The following RGS9 variants were observed in gnomAD, a reference collection of about 807,000 sequenced individuals.
RGS9 encodes regulator of G protein signaling 9.
RGS9 carries 78 observed loss-of-function variants against 102.0 expected under a neutral mutation model. The observed-to-expected ratio is 0.76, with a 90% CI of 0.64 to 0.92. The LOEUF (loss-of-function observed/expected upper bound fraction) is 0.92, where lower values mean the gene tolerates loss of function less well. RGS9 is among the 40% of genes least tolerant of loss of function. The pLI is 0.00. For synonymous variants in RGS9, 353 were observed against 318.6 expected (o/e 1.11, Z -1.15); for missense variants, 833 against 866.1 (o/e 0.96, Z 0.48).
At chr17:65,221,305 C>G (rs1424515190) in intron 17 of RGS9, among the ~76,000 whole-genome samples, 1 of 152,136 alleles carries the variant, frequency 6.6e-6, no homozygotes, top group African/African-American at 2.4e-5. Flanking sequence ...GATCTGGTCA[C>G]AAACTTTGAG....
intron 1 of RGS9, among the ~76,000 whole-genome samples, chr17:65,148,737 A>C (rs576358517): frequency 8.5e-5 from 13 of 152,146 alleles, no homozygotes; most frequent in African/African-American, 3.1e-4. Flanking sequence ...GGAGGAGGAC[A>C]AGGGCTCCCT....
At chr17:65,190,261 G>A in intron 11 of RGS9, 25 bp downstream of exon 11, 2 of 1,584,114 alleles carry the variant, frequency 1.3e-6, no homozygotes, top group Non-Finnish European at 1.7e-6. Context: ...TGTTGATCTT[G>A]CTAAAGTCTG....
At chr17:65,145,567 T>TTTA (rs1555610746) in intron 1 of RGS9, among the ~76,000 whole-genome samples, 4 of 107,488 alleles carry the variant, frequency 3.7e-5, no homozygotes, top group South Asian at 3.3e-4. Flanking sequence ...TTTTTTTTAA[T>TTTA]ATATTTTTAA....
intron 17 of RGS9, among the ~76,000 whole-genome samples, chr17:65,216,533 C>T (rs112158503): frequency 0.029 from 4,362 of 152,144 alleles, 211 homozygotes; most frequent in African/African-American, 0.097. Context: ...GCTACTCAGG[C>T]GGCTGAGACA....
chr17:65,158,441 T>C, intron 3 of RGS9, 96 bp downstream of exon 3: 1 of 1,176,798 alleles, frequency 8.5e-7, no homozygotes, highest in Non-Finnish European at 1.3e-6. Context: ...TTCTGAGAAA[T>C]TTACATTTTA....
chr17:65,224,882 C>A, intron 17 of RGS9, 120 bp from the exon 18 acceptor site: 1 of 1,355,826 alleles, frequency 7.4e-7, no homozygotes. Context: ...AGGAGGCAGC[C>A]ATATCAGGCC....
chr17:65,139,942 G>A (rs1314296354), intron 1 of RGS9, among the ~76,000 whole-genome samples: 1 of 152,198 alleles, frequency 6.6e-6, no homozygotes. Flanking sequence ...CTGGAGAAGG[G>A]CCTGGAACAA....
chr17:65,153,012 A>G (rs558801620), intron 1 of RGS9, among the ~76,000 whole-genome samples: 1 of 152,332 alleles, frequency 6.6e-6, no homozygotes, highest in Admixed American at 6.5e-5. Context: ...TTTGAGGTCC[A>G]TGTGGTCTGG....
intron 1 of RGS9, among the ~76,000 whole-genome samples, chr17:65,138,535 C>T (rs1020277983): frequency 6.6e-6 from 1 of 152,052 alleles, no homozygotes. Context: ...GACCCCGAGA[C>T]GGTCGCATTT....
intron 1 of RGS9, among the ~76,000 whole-genome samples, chr17:65,146,332 G>A (rs1048793493): frequency 6.6e-6 from 1 of 152,202 alleles, no homozygotes; most frequent in Non-Finnish European, 1.5e-5. Context: ...GCTCACGCCT[G>A]TAATCCCAGC....
Position 65,225,299 on chromosome 17 carries a change from C to A in RGS9, c.1705C>A (p.Arg569=). Residue 569 remains arginine, a synonymous_variant, in exon 18 of 19, where the codon CGG becomes AGG. Coordinates refer to ENST00000262406, the MANE Select transcript of RGS9 (RefSeq NM_003835.4). ...CCTCGACACCTCCTGGCCTCGCAGC[C>A]GGCCCAGGGCCCCTCCTAAGGCCCG... ...ASLDTSWPRS[R]PRAPPKARMA... 1.2e-6 allele frequency: 2 copies of A among 1,609,566 alleles called. No individual in the cohort carries two copies. Among genetic ancestry groups the A allele is most frequent in the Non-Finnish European group, 1.7e-6 (2 of 1,180,002 alleles).
intron 9 of RGS9, among the ~76,000 whole-genome samples, chr17:65,182,943 G>GT (rs1911942482): frequency 6.6e-6 from 1 of 152,188 alleles, no homozygotes; most frequent in Non-Finnish European, 1.5e-5. Flanking sequence ...CTTGCAAATT[G>GT]TAAGCAATTC....
chr17:65,215,456 CTCTT>C (rs142953552), intron 17 of RGS9, among the ~76,000 whole-genome samples: 39 of 151,730 alleles, frequency 2.6e-4, no homozygotes, highest in Middle Eastern at 3.4e-3. Context: ...TACGGAGTTT[CTCTT>C]TCTTTCTTTC....
At chr17:65,213,670 C>T (rs148438695) in intron 17 of RGS9, among the ~76,000 whole-genome samples, 112 of 152,142 alleles carry the variant, frequency 7.4e-4, no homozygotes, top group African/African-American at 2.4e-3. Flanking sequence ...TTGTCTCACT[C>T]GCCACAGGTT....
intron 17 of RGS9, among the ~76,000 whole-genome samples, chr17:65,221,567 A>G (rs1598011176): frequency 6.6e-6 from 1 of 152,344 alleles, no homozygotes; most frequent in East Asian, 1.9e-4. Flanking sequence ...ATTGCTGCAT[A>G]ACAATGACCA....
chr17:65,214,410 G>A (rs1262210332), intron 17 of RGS9, among the ~76,000 whole-genome samples: 1 of 152,246 alleles, frequency 6.6e-6, no homozygotes, highest in African/African-American at 2.4e-5. Context: ...GGATGCAGTC[G>A]AGACTGGATG....
Position 65,219,360 on chromosome 17 carries a change from C to T in RGS9, c.1408-5642C>T, listed in dbSNP as rs375049701. On this transcript the variant is annotated intron_variant, in intron 17 of 18. Coordinates refer to ENST00000262406, the MANE Select transcript of RGS9 (RefSeq NM_003835.4). The stretch of plus-strand genomic sequence containing the variant: ...TCTGTGGCTGCTGCTATTGTTCCAG[C>T]AGGTGGCAGCTTCTCCTGCTAATGT... Among the ~76,000 whole-genome samples, 235 of 152,336 alleles carry T rather than the reference C, an allele frequency of 1.5e-3. 1 individual carries two copies. The highest frequency in any genetic ancestry group is 5.2e-3 in the African/African-American group (218 of 41,572).
intron 9 of RGS9, among the ~76,000 whole-genome samples, chr17:65,182,420 C>T (rs1180516853): frequency 6.6e-6 from 1 of 152,224 alleles, no homozygotes. Context: ...ACCTCCGTTT[C>T]ACGGTTGAGA....
intron 17 of RGS9, among the ~76,000 whole-genome samples, chr17:65,222,937 G>A (rs777720406): frequency 5.9e-5 from 9 of 152,116 alleles, no homozygotes; most frequent in Non-Finnish European, 7.4e-5. Context: ...GGCATCCCGC[G>A]AGCGATGACT....
Sources: allele counts gnomAD v4.1 joint callset (sites outside exome capture counted in the v4.1 genomes callset), GRCh38; gene constraint gnomAD v4.1.1; transcripts MANE v1.5; gene names NCBI Gene and HGNC (gene_info 2026-07-23, HGNC 2026-07-21).